AUTS2: variants seen among roughly 807,000 people sequenced by gnomAD.
AUTS2 encodes activator of transcription and developmental regulator AUTS2.
AUTS2 carries 17 observed loss-of-function variants against 112.4 expected under a neutral mutation model. That is an observed-to-expected ratio of 0.15 (90% CI 0.10 to 0.23). The LOEUF is 0.23. Ranked by LOEUF, AUTS2 falls within the 10% of genes least tolerant of loss-of-function variation. The probability of loss-of-function intolerance (pLI) is 1.00; values close to 1 mark genes in which losing one functional copy is unlikely to be tolerated. For missense variants in AUTS2, 1,510 were observed against 1,701.6 expected, an observed-to-expected ratio of 0.89 and a Z score of 1.98; for synonymous variants, 751 against 702.7, an observed-to-expected ratio of 1.07 and a Z score of -1.09.
At chr7:69,949,248 A>G (rs1358678334) in intron 2 of AUTS2, among the ~76,000 whole-genome samples, 2 of 152,230 alleles carry the variant, frequency 1.3e-5, no homozygotes, top group African/African-American at 4.8e-5. Flanking sequence ...ATACATAAAG[A>G]CAAATGGAAA....
At chr7:70,298,999 A>G (rs1789074986) in intron 4 of AUTS2, among the ~76,000 whole-genome samples, 2 of 152,166 alleles carry the variant, frequency 1.3e-5, no homozygotes, top group African/African-American at 2.4e-5. Flanking sequence ...ATAGAATTAA[A>G]CCATTAAGGC....
At chr7:70,219,878 C>T (rs1584893051) in intron 4 of AUTS2, among the ~76,000 whole-genome samples, 1 of 152,140 alleles carries the variant, frequency 6.6e-6, no homozygotes, top group East Asian at 1.9e-4. Flanking sequence ...CCTGTTTTTT[C>T]CCTTTTTAAG....
intron 4 of AUTS2, among the ~76,000 whole-genome samples, chr7:70,382,138 C>G (rs958000301): frequency 6.6e-6 from 1 of 152,170 alleles, no homozygotes; most frequent in Non-Finnish European, 1.5e-5. Context: ...TCTGTAATCT[C>G]CTCTTCTCTC....
chr7:70,231,424 A>C (rs891850976), intron 4 of AUTS2, among the ~76,000 whole-genome samples: 1 of 151,858 alleles, frequency 6.6e-6, no homozygotes, highest in East Asian at 1.9e-4. Context: ...ACTTTTTGTA[A>C]TCTGTGTGGT....
chr7:70,522,908 G>A (rs772776732), intron 5 of AUTS2, among the ~76,000 whole-genome samples: 1 of 152,204 alleles, frequency 6.6e-6, no homozygotes, highest in African/African-American at 2.4e-5. Flanking sequence ...TAAAGATCAT[G>A]TAATTGCCAC....
At chr7:70,069,730 G>T (rs1359134793) in intron 2 of AUTS2, among the ~76,000 whole-genome samples, 12 of 144,394 alleles carry the variant, frequency 8.3e-5, no homozygotes, top group African/African-American at 2.8e-4. Context: ...TTCCTGTCCA[G>T]AGACACCTTA....
At chr7:70,582,874 A>G (rs1359525420) in intron 5 of AUTS2, among the ~76,000 whole-genome samples, 2 of 152,200 alleles carry the variant, frequency 1.3e-5, no homozygotes. Flanking sequence ...TTATGTCCCT[A>G]TAAAGTGAGT....
At chr7:70,362,871 G>A (rs1040383632) in intron 4 of AUTS2, among the ~76,000 whole-genome samples, 15 of 152,172 alleles carry the variant, frequency 9.9e-5, no homozygotes, top group South Asian at 2.1e-4. Context: ...AAGCTACAGT[G>A]GTGAACATGG....
At chr7:69,814,497 C>T (rs1293994728) in intron 1 of AUTS2, among the ~76,000 whole-genome samples, 3 of 152,206 alleles carry the variant, frequency 2.0e-5, no homozygotes, top group Non-Finnish European at 2.9e-5. Context: ...TGTATGGGCT[C>T]CTCCCGCTGT....
intron 4 of AUTS2, among the ~76,000 whole-genome samples, chr7:70,418,684 G>A (rs527725157): frequency 3.3e-5 from 5 of 152,274 alleles, no homozygotes; most frequent in East Asian, 1.9e-4. Flanking sequence ...TCCATCACAC[G>A]GGTGACGTTT....
rs190975211 is a variant in AUTS2 at position 70,003,261 on chromosome 7, A to T, written c.522+103763A>T. On this transcript the variant is annotated intron_variant, in intron 2 of 18. Transcript: ENST00000342771. ...ATGAATATATTATATATGAATATAT[A>T]ATATATTATATATGTGAATATATAT... 2.4e-3 allele frequency among the ~76,000 whole-genome samples: 284 copies of T among 119,948 alleles called. 2 individuals carry two copies. The highest frequency in any genetic ancestry group is 0.013 in the East Asian group (57 of 4,302). 78.7% of individuals were successfully genotyped at this position (119,948 alleles called of 152,430 possible). A position where few individuals can be genotyped will look rare whatever the true frequency, so the allele number is the denominator to read the frequency against.
At chr7:69,727,959 G>A (rs1010431876) in intron 1 of AUTS2, among the ~76,000 whole-genome samples, 3 of 152,068 alleles carry the variant, frequency 2.0e-5, no homozygotes, top group Non-Finnish European at 2.9e-5. Context: ...ACAGAATCTC[G>A]TTCATTCCCT....
chr7:70,186,542 T>TAG, intron 4 of AUTS2, among the ~76,000 whole-genome samples: 1 of 152,318 alleles, frequency 6.6e-6, no homozygotes, highest in East Asian at 1.9e-4. Context: ...GTGATACTAA[T>TAG]ATCTAACATA....
intron 6 of AUTS2, among the ~76,000 whole-genome samples, chr7:70,717,454 C>G (rs1431425689): frequency 6.6e-6 from 1 of 152,140 alleles, no homozygotes; most frequent in Non-Finnish European, 1.5e-5. Context: ...CCCAAAGCAT[C>G]GAGCTCCTGG....
At chr7:69,750,918 T>C (rs1331663018) in intron 1 of AUTS2, among the ~76,000 whole-genome samples, 1 of 152,012 alleles carries the variant, frequency 6.6e-6, no homozygotes, top group Admixed American at 6.6e-5. Flanking sequence ...GTTCCTTTTC[T>C]ATATTAGTAG....
At chr7:69,928,698 C>A (rs746095769) in intron 2 of AUTS2, among the ~76,000 whole-genome samples, 1 of 152,102 alleles carries the variant, frequency 6.6e-6, no homozygotes, top group Non-Finnish European at 1.5e-5. Context: ...GCAGGCACTT[C>A]TGAGCCTGCA....
At chr7:69,999,509 A>C (rs907508675) in intron 2 of AUTS2, among the ~76,000 whole-genome samples, 4 of 152,236 alleles carry the variant, frequency 2.6e-5, no homozygotes, top group African/African-American at 7.2e-5. Flanking sequence ...AAAATTTAAG[A>C]GCACAGAATG....
chr7:69,626,000 G>A (rs1417016498), intron 1 of AUTS2, among the ~76,000 whole-genome samples: 1 of 152,214 alleles, frequency 6.6e-6, no homozygotes, highest in African/African-American at 2.4e-5. Flanking sequence ...AGATAAGTGT[G>A]ATGGAAGGGA....
intron 1 of AUTS2, among the ~76,000 whole-genome samples, chr7:69,762,780 C>A (rs1048499821): frequency 1.2e-4 from 19 of 152,098 alleles, no homozygotes; most frequent in African/African-American, 3.6e-4. Flanking sequence ...AGTAAAGCAA[C>A]AATAAGGAAA....
Sources: gnomAD v4.1 joint callset for allele counts (sites outside exome capture counted in the v4.1 genomes callset) on GRCh38, gnomAD v4.1.1 for gene constraint, MANE v1.5 for transcripts, NCBI Gene and HGNC (gene_info 2026-07-23, HGNC 2026-07-21) for gene names.